The following FRYL variants were observed in gnomAD, a reference collection of about 807,000 sequenced individuals.
FRYL encodes protein furry homolog-like.
A neutral mutation model predicts 351.2 loss-of-function variants in FRYL; 150 were observed. That is an observed-to-expected ratio of 0.43 (90% CI 0.37 to 0.49). The LOEUF (loss-of-function observed/expected upper bound fraction) is 0.49, where lower values mean the gene tolerates loss of function less well. Among genes scored for constraint, FRYL ranks in the 20% least tolerant of loss-of-function variants. The probability of loss-of-function intolerance (pLI) is 0.00; values close to 1 mark genes in which losing one functional copy is unlikely to be tolerated. For synonymous variants in FRYL, 1,153 were observed against 1,257.1 expected, an observed-to-expected ratio of 0.92 and a Z score of 1.75; for missense variants, 3,036 against 3,619.3, an observed-to-expected ratio of 0.84 and a Z score of 4.13.
rs568425595 is a variant in FRYL at position 48,713,052 on chromosome 4, C to A, written c.-383-2354G>T. On this transcript the variant is annotated intron_variant, in intron 1 of 63. Transcript: ENST00000358350. ...GCTGAGAGATTCTGTCACCACCAGG[C>A]CTGCCCTAGAAGAGCTCCTGAAGGA... is the stretch of plus-strand genomic sequence containing the variant. Among the ~76,000 whole-genome samples the A allele has an allele frequency of 5.9e-5, 9 of 152,140 alleles. No homozygotes were observed. The East Asian group carries it at 1.5e-3, about 26-fold the overall frequency.
chr4:48,637,152 AACAAGG>A (rs1380098438), intron 3 of FRYL: 1 of 152,112 alleles, frequency 6.6e-6, no homozygotes, highest in African/African-American at 2.4e-5. Flanking sequence ...CCCAAACTGA[AACAAGG>A]ACAAGGACAT....
At position 48,523,119 on chromosome 4, in the gene FRYL, C is replaced by T. The variant is rs1322586170; in HGVS notation, c.7318-15G>A. 6.9e-6 allele frequency: 11 copies of T among 1,595,408 alleles called. No homozygotes were observed. The highest frequency in any genetic ancestry group is 1.7e-5 in the Admixed American group (1 of 59,698). ...ATACTTTCACCCTGGAAAAGCAAGA[C>T]ACGATTTCTAAAACCTCAAATACAT... On this transcript the variant is annotated splice_polypyrimidine_tract_variant and intron_variant, in intron 53 of 63. Coordinates refer to ENST00000358350, the MANE Select transcript of FRYL (RefSeq NM_015030.2).
chr4:48,529,089 A>ACAC (rs1726946866), intron 50 of FRYL, among the ~76,000 whole-genome samples: 1 of 152,082 alleles, frequency 6.6e-6, no homozygotes, highest in South Asian at 2.1e-4. Flanking sequence ...TTTTCCAAAC[A>ACAC]CACCATGCTC....
At chr4:48,723,923 A>C (rs2149612774) in intron 1 of FRYL, among the ~76,000 whole-genome samples, 1 of 137,278 alleles carries the variant, frequency 7.3e-6, no homozygotes, top group Non-Finnish European at 1.5e-5. Flanking sequence ...CCAACTCTAC[A>C]AAAAAAAAAA....
chr4:48,546,434 A>C, intron 41 of FRYL, 163 bp from the exon 42 acceptor site: 1 of 613,146 alleles, frequency 1.6e-6, no homozygotes. Context: ...TGAACACCAA[A>C]TTACAGCAAG....
At position 48,620,714 on chromosome 4, in the gene FRYL, T is replaced by C. The variant is rs1304215423; in HGVS notation, c.239A>G (p.Asp80Gly). 3 of 1,613,890 alleles carry C rather than the reference T, an allele frequency of 1.9e-6. No homozygotes were observed. The highest frequency in any genetic ancestry group is 2.5e-6 in the Non-Finnish European group (3 of 1,179,838). Residue 80 changes from aspartate to glycine, a missense_variant, in exon 6 of 64, where the codon GAC (aspartate) becomes GGC (glycine). Coordinates refer to ENST00000358350, the MANE Select transcript of FRYL (RefSeq NM_015030.2). Reference sequence around the variant, plus strand: ...CGTTCCATTTTGGCGTCTGTACCAGTCAAACAAGGTGCGAAGTAAGGAAGG... The same window carrying C: ...CGTTCCATTTTGGCGTCTGTACCAGCCAAACAAGGTGCGAAGTAAGGAAGG... ...CLPSLLRTLF[D>G]WYRRQNGTED...
chr4:48,677,417 GT>G (rs1553972501), intron 3 of FRYL, among the ~76,000 whole-genome samples: 17 of 143,924 alleles, frequency 1.2e-4, no homozygotes, highest in African/African-American at 1.5e-4. Flanking sequence ...GTGTGTTTTT[GT>G]TTTTTTTTTT....
At chr4:48,631,745 A>G (rs1180510313) in intron 4 of FRYL, among the ~76,000 whole-genome samples, 1 of 151,968 alleles carries the variant, frequency 6.6e-6, no homozygotes, top group Non-Finnish European at 1.5e-5. Flanking sequence ...ACTAAGTTAG[A>G]GGGAATATAT....
At chr4:48,767,415 G>A (rs1199395807) in intron 1 of FRYL, among the ~76,000 whole-genome samples, 2 of 152,120 alleles carry the variant, frequency 1.3e-5, no homozygotes, top group Non-Finnish European at 2.9e-5. Flanking sequence ...TTCGACATGA[G>A]ATTTGGGTGG....
At position 48,593,999 on chromosome 4, in the gene FRYL, T is replaced by C; in HGVS notation, c.1266A>G (p.Ala422=). 1.3e-6 allele frequency: 2 copies of C among 1,486,396 alleles called. No individual in the cohort carries two copies. Among genetic ancestry groups the C allele is most frequent in the Non-Finnish European group, 1.8e-6 (2 of 1,118,296 alleles). 92.1% of individuals were successfully genotyped at this position (1,486,396 alleles called of 1,614,324 possible). A position where few individuals can be genotyped will look rare whatever the true frequency, so the allele number is the denominator to read the frequency against. The change falls in exon 16 of 64, where the codon GCA becomes GCG. Residue 422 remains alanine, a synonymous_variant. Coordinates refer to ENST00000358350, the MANE Select transcript of FRYL (RefSeq NM_015030.2). ...GAAGATCAAATATTATTTCTTTCATTGCAAAATCCAAGCGTTCCTTAAAAA... is the reference window on the plus strand; with the variant it reads ...GAAGATCAAATATTATTTCTTTCATCGCAAAATCCAAGCGTTCCTTAAAAA... The part of the protein sequence containing the change: ...QFIAQERLDF[A]MKEIIFDLLS...
At position 48,659,225 on chromosome 4, in the gene FRYL, C is replaced by T. The variant is rs113031811; in HGVS notation, c.-80-24735G>A. Among the ~76,000 whole-genome samples the T allele has an allele frequency of 4.5e-3, 675 of 151,488 alleles. 4 individuals carry two copies. The highest frequency in any genetic ancestry group is 0.015 in the African/African-American group (626 of 41,224). ...AATTAGCCAGGCATAGTGGTGTGCGCTTGTAGTCCCAGCTACTCGGGAGGC... is the reference window on the plus strand; with the variant it reads ...AATTAGCCAGGCATAGTGGTGTGCGTTTGTAGTCCCAGCTACTCGGGAGGC... On this transcript the variant is annotated intron_variant, in intron 3 of 63. Coordinates refer to ENST00000358350, the MANE Select transcript of FRYL (RefSeq NM_015030.2).
In FRYL at chr4:48,521,120, T is replaced by C; in HGVS notation, c.7617A>G (p.Glu2539=). 2 of 1,613,838 alleles carry C rather than the reference T, an allele frequency of 1.2e-6. No individual in the cohort carries two copies. The highest frequency in any genetic ancestry group is 2.2e-5 in the South Asian group (2 of 91,022). The part of the protein sequence containing the change: ...EDSTGSITTE[E]VLQIRDETPT... ...GGGTCTCATCCCTGATTTGAAGCAC[T>C]TCCTCTGTTGTGATGCTGCCAGTGG... Residue 2539 remains glutamate, a synonymous_variant, in exon 55 of 64, where the codon GAA becomes GAG. Transcript: ENST00000358350.
chr4:48,636,692 CA>C (rs1212399936), intron 3 of FRYL, among the ~76,000 whole-genome samples: 6 of 151,662 alleles, frequency 4.0e-5, no homozygotes, highest in Admixed American at 3.9e-4. Flanking sequence ...AGTTATCTGT[CA>C]AGATAAAAAT....
chr4:48,751,162 A>G (rs1773214939), intron 1 of FRYL, among the ~76,000 whole-genome samples: 1 of 152,206 alleles, frequency 6.6e-6, no homozygotes, highest in Non-Finnish European at 1.5e-5. Context: ...CATCCCAAAT[A>G]AAAGAAGATC....
At chr4:48,586,859 C>T in intron 18 of FRYL, 131 bp from the exon 19 acceptor site, 3 of 576,906 alleles carry the variant, frequency 5.2e-6, no homozygotes, top group Non-Finnish European at 3.0e-6. Context: ...TTTAAAAATG[C>T]ACATAAATCC....
At chr4:48,608,874 C>A in intron 9 of FRYL, 113 bp downstream of exon 9, 1 of 722,218 alleles carries the variant, frequency 1.4e-6, no homozygotes. Flanking sequence ...GTGGAGCTGA[C>A]TTAGTGCTAT....
intron 56 of FRYL, 115 bp downstream of exon 56, chr4:48,514,913 G>T: frequency 1.1e-6 from 1 of 896,134 alleles, no homozygotes; most frequent in Non-Finnish European, 1.7e-6. Context: ...TATGATTACA[G>T]ACTGAAACAC....
chr4:48,756,137 G>A (rs1231091135), intron 1 of FRYL, among the ~76,000 whole-genome samples: 1 of 151,698 alleles, frequency 6.6e-6, no homozygotes, highest in Non-Finnish European at 1.5e-5. Context: ...GGAGGCCGAG[G>A]CGGGAAGAAT....
intron 3 of FRYL, among the ~76,000 whole-genome samples, chr4:48,650,366 CAA>C (rs1757370744): frequency 6.6e-6 from 1 of 152,070 alleles, no homozygotes; most frequent in African/African-American, 2.4e-5. Flanking sequence ...ACACAAAGAA[CAA>C]AAAGACAATC....
Sources: gnomAD v4.1 joint callset for allele counts (sites outside exome capture counted in the v4.1 genomes callset) on GRCh38, gnomAD v4.1.1 for gene constraint, MANE v1.5 for transcripts, NCBI Gene and HGNC (gene_info 2026-07-23, HGNC 2026-07-21) for gene names.